NYAP2: variants seen among roughly 807,000 people sequenced by gnomAD.
The protein encoded by NYAP2 is neuronal tyrosine-phosphorylated phosphoinositide-3-kinase adaptor 2.
NYAP2 carries 23 observed loss-of-function variants against 50.4 expected under a neutral mutation model. The ratio of observed to expected loss-of-function variants is 0.46; its 90% CI spans 0.33 to 0.65. NYAP2 has a LOEUF of 0.65. NYAP2 is among the 30% of genes least tolerant of loss of function. The pLI is 0.02. For synonymous variants in NYAP2, 394 were observed against 365.2 expected (o/e 1.08, Z -0.90); for missense variants, 885 against 861.0 (o/e 1.03, Z -0.35).
chr2:225,577,136 G>C (rs1053302273), intron 4 of NYAP2, among the ~76,000 whole-genome samples: 1 of 152,110 alleles, frequency 6.6e-6, no homozygotes, highest in African/African-American at 2.4e-5. Flanking sequence ...TGAAAGCCAT[G>C]TATAACCTTT....
chr2:225,650,386 C>T (rs182788527), intron 6 of NYAP2, among the ~76,000 whole-genome samples: 6 of 152,224 alleles, frequency 3.9e-5, no homozygotes, highest in East Asian at 1.9e-4. Context: ...TTCTCAGTAC[C>T]GTAGTTATGT....
intron 3 of NYAP2, among the ~76,000 whole-genome samples, chr2:225,496,921 T>A (rs1204001710): frequency 1.3e-5 from 2 of 152,182 alleles, no homozygotes; most frequent in African/African-American, 2.4e-5. Flanking sequence ...GAGAATTTTT[T>A]TTTTTATTTT....
intron 4 of NYAP2, among the ~76,000 whole-genome samples, chr2:225,522,431 C>T (rs6724381): frequency 0.22 from 32,836 of 151,916 alleles, 3,543 homozygotes; most frequent in East Asian, 0.23. Context: ...ATTGGGATAC[C>T]TGCTACAATA....
chr2:225,404,411 G>A (rs1694907577), intron 2 of NYAP2, among the ~76,000 whole-genome samples: 1 of 151,860 alleles, frequency 6.6e-6, no homozygotes, highest in African/African-American at 2.4e-5. Flanking sequence ...GTATATAATG[G>A]GTAGTTTTAT....
chr2:225,504,820 C>A (rs570246818), intron 3 of NYAP2, among the ~76,000 whole-genome samples: 1 of 151,934 alleles, frequency 6.6e-6, no homozygotes, highest in African/African-American at 2.4e-5. Context: ...CCAGCCTGAC[C>A]AAGGTGGTGA....
At chr2:225,675,753 T>G in the NYAP2 span, among the ~76,000 whole-genome samples, 3 of 152,186 alleles carry the variant, frequency 2.0e-5, no homozygotes, top group Non-Finnish European at 4.4e-5. Context: ...TAGTTTTTAT[T>G]CCCACCAACC....
intron 3 of NYAP2, among the ~76,000 whole-genome samples, chr2:225,418,131 A>C (rs1553537783): frequency 6.6e-6 from 1 of 152,182 alleles, no homozygotes; most frequent in Non-Finnish European, 1.5e-5. Flanking sequence ...ATAAGTGAGG[A>C]GAGAAGCCAT....
At chr2:225,470,574 A>G (rs757186347) in intron 3 of NYAP2, among the ~76,000 whole-genome samples, 1 of 152,168 alleles carries the variant, frequency 6.6e-6, no homozygotes, top group Non-Finnish European at 1.5e-5. Context: ...AATTGGAATA[A>G]AAACATCATA....
chr2:225,408,548 A>G (rs921739379), intron 2 of NYAP2, among the ~76,000 whole-genome samples: 8 of 152,086 alleles, frequency 5.3e-5, no homozygotes, highest in African/African-American at 1.9e-4. Context: ...ACATTTTAAG[A>G]AACAAAATTA....
intron 3 of NYAP2, among the ~76,000 whole-genome samples, chr2:225,466,347 T>A (rs748053074): frequency 4.6e-5 from 7 of 152,182 alleles, no homozygotes; most frequent in Non-Finnish European, 1.0e-4. Context: ...TTTCTAGATT[T>A]TTTTTCTTCA....
chr2:225,602,898 G>T (rs1466007853), intron 5 of NYAP2, among the ~76,000 whole-genome samples: 1 of 151,810 alleles, frequency 6.6e-6, no homozygotes, highest in African/African-American at 2.4e-5. Context: ...CTCCAATTTT[G>T]TTCTTCTTTT....
At chr2:225,562,583 C>T (rs1691894294) in intron 4 of NYAP2, among the ~76,000 whole-genome samples, 1 of 152,020 alleles carries the variant, frequency 6.6e-6, no homozygotes, top group African/African-American at 2.4e-5. Context: ...GTCTTCCCTG[C>T]CTGGGTTTTT....
chr2:225,462,038 T>C (rs1689842365), intron 3 of NYAP2, among the ~76,000 whole-genome samples: 1 of 152,176 alleles, frequency 6.6e-6, no homozygotes, highest in South Asian at 2.1e-4. Flanking sequence ...GAAAGTGATT[T>C]CCCCCTGCAG....
At chr2:225,646,768 G>A (rs1477412542) in intron 6 of NYAP2, among the ~76,000 whole-genome samples, 2 of 152,144 alleles carry the variant, frequency 1.3e-5, no homozygotes, top group Non-Finnish European at 2.9e-5. Context: ...CAGGGTACTT[G>A]GCTAGTAGTT....
chr2:225,412,322 T>C (rs1695058844), intron 3 of NYAP2, among the ~76,000 whole-genome samples: 1 of 132,886 alleles, frequency 7.5e-6, no homozygotes, highest in South Asian at 2.4e-4. Context: ...AAAATCAGCA[T>C]ATTTAAAATG....
downstream of NYAP2, among the ~76,000 whole-genome samples, chr2:225,658,316 AC>A (rs879351044): frequency 7.4e-4 from 112 of 152,026 alleles, 3 homozygotes; most frequent in Admixed American, 6.9e-3. Context: ...GTCTTGGAAC[AC>A]CCCCCTAAGT....
At chr2:225,464,352 G>A (rs1185329445) in intron 3 of NYAP2, among the ~76,000 whole-genome samples, 6 of 152,170 alleles carry the variant, frequency 3.9e-5, no homozygotes, top group Non-Finnish European at 7.3e-5. Context: ...AACATCCTAT[G>A]TGTCACCCTG....
chr2:225,453,645 T>TTTG (rs1689687835), intron 3 of NYAP2, among the ~76,000 whole-genome samples: 4 of 151,896 alleles, frequency 2.6e-5, no homozygotes, highest in Non-Finnish European at 5.9e-5. Flanking sequence ...TATCAAGTTT[T>TTTG]TTTGTTTGTT....
intron 3 of NYAP2, among the ~76,000 whole-genome samples, chr2:225,450,412 T>A (rs551644365): frequency 6.6e-6 from 1 of 152,156 alleles, no homozygotes; most frequent in African/African-American, 2.4e-5. Context: ...GGTGTCCTAG[T>A]GGAATTTTTG....
Sources: allele counts gnomAD v4.1 joint callset (sites outside exome capture counted in the v4.1 genomes callset), GRCh38; gene constraint gnomAD v4.1.1; transcripts MANE v1.5; gene names NCBI Gene and HGNC (gene_info 2026-07-23, HGNC 2026-07-21).